Variants in ANO6 observed in about 807,000 individuals in gnomAD.
ANO6 encodes anoctamin-6.
Under a neutral mutation model 117.5 loss-of-function variants are expected in ANO6, and 106 were observed. The observed-to-expected ratio is 0.90, with a 90% CI of 0.77 to 1.06. The LOEUF is 1.06. Among genes scored for constraint, ANO6 ranks in the 50% least tolerant of loss-of-function variants. The probability of loss-of-function intolerance (pLI) is 0.00; values close to 1 mark genes in which losing one functional copy is unlikely to be tolerated. For missense variants in ANO6, 955 were observed against 1,121.1 expected, an observed-to-expected ratio of 0.85 and a Z score of 2.12; for synonymous variants, 367 against 385.1, an observed-to-expected ratio of 0.95 and a Z score of 0.55.
chr12:45,288,402 C>CAT (rs1174503036), intron 1 of ANO6, among the ~76,000 whole-genome samples: 1 of 152,106 alleles, frequency 6.6e-6, no homozygotes, highest in Non-Finnish European at 1.5e-5. Flanking sequence ...AATAACTCCC[C>CAT]ATTCCCCCTT....
chr12:45,439,116 T>C (rs1044293276), intron 19 of ANO6, among the ~76,000 whole-genome samples: 5 of 152,212 alleles, frequency 3.3e-5, no homozygotes, highest in African/African-American at 1.2e-4. Context: ...GAAGTCCTGA[T>C]GGTGAGCTGT....
At chr12:45,410,730 C>A (rs997388070) in intron 16 of ANO6, among the ~76,000 whole-genome samples, 3 of 152,092 alleles carry the variant, frequency 2.0e-5, no homozygotes, top group African/African-American at 7.2e-5. Flanking sequence ...CAAAGACACC[C>A]CTTTGTGGTT....
In ANO6 at chr12:45,221,059, T is replaced by TGGCG. The variant is rs1555156313; in HGVS notation, c.70+4670_70+4671insCGGG. Among the ~76,000 whole-genome samples the TGGCG allele has an allele frequency of 1.9e-4, 28 of 149,328 alleles. 1 individual carries two copies. Among genetic ancestry groups the TGGCG allele is most frequent in the Admixed American group, 1.5e-3 (22 of 14,884 alleles). The stretch of plus-strand genomic sequence containing the variant: ...TGGGGCCTGTGATTGGTGTCGGAAG[T>TGGCG]GGGGGGGGGCAGCCTTGTAGGACTG... On this transcript the variant is annotated intron_variant, in intron 1 of 19. Coordinates refer to ENST00000320560, the MANE Select transcript of ANO6 (RefSeq NM_001025356.3).
chr12:45,344,979 G>A (rs1941088193), intron 3 of ANO6, among the ~76,000 whole-genome samples: 1 of 152,120 alleles, frequency 6.6e-6, no homozygotes, highest in Non-Finnish European at 1.5e-5. Flanking sequence ...GGGGAGCGGA[G>A]TAGGAAAGCT....
At chr12:45,220,270 T>A (rs187338347) in intron 1 of ANO6, among the ~76,000 whole-genome samples, 4 of 152,218 alleles carry the variant, frequency 2.6e-5, no homozygotes, top group African/African-American at 7.2e-5. Context: ...CTAGTCTGTT[T>A]ATGGTAGTTT....
intron 1 of ANO6, among the ~76,000 whole-genome samples, chr12:45,262,482 G>A (rs1361267944): frequency 6.6e-6 from 1 of 151,434 alleles, no homozygotes; most frequent in Non-Finnish European, 1.5e-5. Context: ...GGAGTGCAAT[G>A]GCGCGATCTC....
intron 1 of ANO6, among the ~76,000 whole-genome samples, chr12:45,261,123 A>T (rs1246849725): frequency 1.3e-5 from 2 of 152,180 alleles, no homozygotes; most frequent in Admixed American, 6.5e-5. Flanking sequence ...CCAGGTGTGA[A>T]TGAAAGGTTT....
intron 1 of ANO6, among the ~76,000 whole-genome samples, chr12:45,297,646 A>G (rs1376928950): frequency 6.6e-6 from 1 of 152,186 alleles, no homozygotes; most frequent in Non-Finnish European, 1.5e-5. Flanking sequence ...TGGACTATCA[A>G]ATAAGTCAGA....
At chr12:45,236,980 GGAT>G (rs1166365569) in intron 1 of ANO6, among the ~76,000 whole-genome samples, 1 of 152,076 alleles carries the variant, frequency 6.6e-6, no homozygotes, top group Non-Finnish European at 1.5e-5. Flanking sequence ...TGATGACGGG[GGAT>G]GATGAGCATT....
intron 19 of ANO6, among the ~76,000 whole-genome samples, chr12:45,437,411 C>A (rs1943719181): frequency 6.6e-6 from 1 of 152,006 alleles, no homozygotes; most frequent in South Asian, 2.1e-4. Context: ...CATTCTTTTC[C>A]ATTACAACAT....
At chr12:45,243,141 A>AC (rs1177922619) in intron 1 of ANO6, among the ~76,000 whole-genome samples, 58 of 152,250 alleles carry the variant, frequency 3.8e-4, no homozygotes, top group Non-Finnish European at 1.0e-4. Context: ...ATGTAGCGAG[A>AC]CCCAATCTCT....
chr12:45,401,667 C>T (rs1432547483), intron 12 of ANO6, 128 bp from the exon 13 acceptor site: 15 of 799,978 alleles, frequency 1.9e-5, no homozygotes, highest in East Asian at 1.3e-4. Flanking sequence ...TTTCTACCAC[C>T]GCTGGTATCA....
chr12:45,317,133 T>TGTATATATATATATA lies in ANO6; in HGVS notation c.151-14162_151-14161insGTATATATATATATA, dbSNP rs34406866. On this transcript the variant is annotated intron_variant, in intron 2 of 19. Coordinates refer to ENST00000320560, the MANE Select transcript of ANO6 (RefSeq NM_001025356.3). ...TATATGTATATATATATATATATAT[T>TGTATATATATATATA]TATTATACTTTAAGTTCCAGGGTAC... is the stretch of plus-strand genomic sequence containing the variant. Among the ~76,000 whole-genome samples the TGTATATATATATATA allele has an allele frequency of 1.9e-4, 13 of 69,542 alleles. 1 individual carries two copies. Among genetic ancestry groups the TGTATATATATATATA allele is most frequent in the Non-Finnish European group, 4.2e-4 (13 of 31,216 alleles). The allele number at this position is 69,542 out of a possible 152,430, so 45.6% of individuals were successfully genotyped here. A position where few individuals can be genotyped will look rare whatever the true frequency, so the allele number is the denominator to read the frequency against.
intron 9 of ANO6, among the ~76,000 whole-genome samples, chr12:45,371,552 C>A (rs1941835661): frequency 6.6e-6 from 1 of 151,974 alleles, no homozygotes; most frequent in Non-Finnish European, 1.5e-5. Flanking sequence ...GGTCCCTGAC[C>A]CCTGACCCCC....
intron 2 of ANO6, among the ~76,000 whole-genome samples, chr12:45,319,610 A>G (rs1940183615): frequency 6.6e-6 from 1 of 152,194 alleles, no homozygotes; most frequent in African/African-American, 2.4e-5. Context: ...AGGCTTTGGT[A>G]TCAGGATGAT....
intron 1 of ANO6, among the ~76,000 whole-genome samples, chr12:45,280,774 AC>A: frequency 6.6e-6 from 1 of 152,218 alleles, no homozygotes; most frequent in Middle Eastern, 3.4e-3. Context: ...AGGAAAGGAA[AC>A]CTGCAGGGGC....
chr12:45,348,211 C>T lies in ANO6; in HGVS notation c.529C>T (p.Pro177Ser), dbSNP rs753570988. The change falls in exon 5 of 20, where the codon CCA becomes TCA. Residue 177 changes from proline (P) to serine (S), a missense_variant. Physicochemically the swap from Pro to Ser is moderately conservative, Grantham distance 74. Coordinates refer to ENST00000320560, the MANE Select transcript of ANO6 (RefSeq NM_001025356.3). ...CAGTGTAGACGAAAGCATCATCAAG[C>T]CAGAGCAAGAGTTTTTCACTGCCCC... ...VLSVDESIIK[P>S]EQEFFTAPFE... The T allele has an allele frequency of 1.9e-6, 3 of 1,613,984 alleles. No homozygotes were observed. Among genetic ancestry groups the T allele is most frequent in the Non-Finnish European group, 2.5e-6 (3 of 1,179,960 alleles).
At chr12:45,376,779 C>T (rs1198438090) in intron 9 of ANO6, among the ~76,000 whole-genome samples, 1 of 150,236 alleles carries the variant, frequency 6.7e-6, no homozygotes, top group Non-Finnish European at 1.5e-5. Flanking sequence ...GTGCAGCGCA[C>T]CAACATGGCA....
chr12:45,339,325 C>T (rs774840964), intron 3 of ANO6, among the ~76,000 whole-genome samples: 41 of 152,092 alleles, frequency 2.7e-4, no homozygotes, highest in Non-Finnish European at 5.4e-4. Context: ...AATAAGCTCT[C>T]CAAAGTTGTT....
Sources: allele counts gnomAD v4.1 joint callset (sites outside exome capture counted in the v4.1 genomes callset), GRCh38; gene constraint gnomAD v4.1.1; transcripts MANE v1.5; gene names NCBI Gene and HGNC (gene_info 2026-07-23, HGNC 2026-07-21).